ANKRD12: variants seen among roughly 807,000 people sequenced by gnomAD.
ANKRD12 encodes the protein ankyrin repeat domain-containing protein 12.
A neutral mutation model predicts 183.4 loss-of-function variants in ANKRD12; 85 were observed. The observed-to-expected ratio is 0.46, with a 90% CI of 0.39 to 0.56. The LOEUF (loss-of-function observed/expected upper bound fraction) is 0.56. ANKRD12 is among the 20% of genes least tolerant of loss of function. The pLI is 0.00. For missense variants in ANKRD12, 2,405 were observed against 2,357.1 expected, an observed-to-expected ratio of 1.02 and a Z score of -0.42; for synonymous variants, 914 against 800.2, an observed-to-expected ratio of 1.14 and a Z score of -2.40.
chr18:9,144,232 G>A (rs1379857177), intron 1 of ANKRD12, among the ~76,000 whole-genome samples: 1 of 151,868 alleles, frequency 6.6e-6, no homozygotes, highest in Non-Finnish European at 1.5e-5. Context: ...TGCAATTATT[G>A]TATGCTATTG....
intron 9 of ANKRD12, among the ~76,000 whole-genome samples, chr18:9,263,404 A>T (rs989460908): frequency 1.3e-5 from 2 of 152,074 alleles, no homozygotes; most frequent in African/African-American, 4.8e-5. Context: ...ACCTCACTAT[A>T]TAGATACCAA....
chr18:9,193,191 A>T (rs1168427964), intron 2 of ANKRD12, among the ~76,000 whole-genome samples: 1 of 145,678 alleles, frequency 6.9e-6, no homozygotes, highest in African/African-American at 2.6e-5. Flanking sequence ...AGCCTGGAGC[A>T]CAGTGGCGAA....
intron 8 of ANKRD12, among the ~76,000 whole-genome samples, chr18:9,245,730 C>A (rs2037924798): frequency 6.6e-6 from 1 of 152,092 alleles, no homozygotes; most frequent in South Asian, 2.1e-4. Flanking sequence ...TAGTAAATCT[C>A]ATTTAAAATA....
chr18:9,222,817 G>C (rs1303811217), intron 8 of ANKRD12, among the ~76,000 whole-genome samples: 1 of 152,084 alleles, frequency 6.6e-6, no homozygotes, highest in Non-Finnish European at 1.5e-5. Flanking sequence ...CACATGGAAA[G>C]GCAATTGAAA....
Position 9,257,983 on chromosome 18 carries a change from A to T in ANKRD12, c.4716A>T (p.Ala1572=). ...PVYSDSTIQE[A]SPNFEKAYTL... is the part of the protein sequence containing the mutation. ...ACTCTGACAGCACTATTCAAGAAGC[A>T]TCACCAAACTTTGAGAAAGCTTATA... The change falls in exon 9 of 13, where the codon GCA becomes GCT. Residue 1572 remains alanine, a synonymous_variant. Coordinates refer to ENST00000262126, the MANE Select transcript of ANKRD12 (RefSeq NM_015208.5). 1 of 1,613,836 alleles carries T rather than the reference A, an allele frequency of 6.2e-7. No homozygotes were observed. The highest frequency in any genetic ancestry group is 8.5e-7 in the Non-Finnish European group (1 of 1,179,930).
intron 1 of ANKRD12, among the ~76,000 whole-genome samples, chr18:9,164,757 AGTTT>A (rs2031851057): frequency 6.6e-6 from 1 of 152,030 alleles, no homozygotes; most frequent in Admixed American, 6.6e-5. Context: ...GTTCTAAGAG[AGTTT>A]GTTGTAATTT....
intron 1 of ANKRD12, among the ~76,000 whole-genome samples, chr18:9,164,599 C>T (rs73392329): frequency 0.011 from 1,672 of 152,166 alleles, 38 homozygotes; most frequent in African/African-American, 0.038. Flanking sequence ...AGTACGTTGT[C>T]TCTTTGCATT....
chr18:9,198,028 A>T (rs1445348875), intron 3 of ANKRD12, among the ~76,000 whole-genome samples: 4 of 152,156 alleles, frequency 2.6e-5, no homozygotes, highest in Non-Finnish European at 4.4e-5. Context: ...AGTGTCTTTT[A>T]TATAATTTTT....
chr18:9,252,319 C>A (rs2038343570), intron 8 of ANKRD12, among the ~76,000 whole-genome samples: 1 of 152,176 alleles, frequency 6.6e-6, no homozygotes, highest in Non-Finnish European at 1.5e-5. Context: ...CTGAGGCCCA[C>A]AGGCTGGCCA....
At chr18:9,244,337 C>T (rs1405035408) in intron 8 of ANKRD12, among the ~76,000 whole-genome samples, 1 of 151,976 alleles carries the variant, frequency 6.6e-6, no homozygotes, top group African/African-American at 2.4e-5. Context: ...AAATATAAAA[C>T]TAAACAACAT....
At chr18:9,205,688 G>A (rs1021301150) in intron 4 of ANKRD12, among the ~76,000 whole-genome samples, 4 of 152,134 alleles carry the variant, frequency 2.6e-5, no homozygotes, top group Non-Finnish European at 5.9e-5. Flanking sequence ...ATCAAAAGAT[G>A]CAGACATTCA....
In ANKRD12 at chr18:9,285,499, A is replaced by G. The variant is rs1217711392; in HGVS notation, c.*4373A>G. ...TTTACAAGTTTAAAAGGCACCACCT[A>G]TGCACTCATCACTCAAGAGAATATC... is the stretch of plus-strand genomic sequence containing the variant. On this transcript the variant is annotated 3_prime_UTR_variant, in exon 13 of 13. Coordinates refer to ENST00000262126, the MANE Select transcript of ANKRD12 (RefSeq NM_015208.5). The G allele has an allele frequency of 6.6e-6, 1 of 151,824 alleles. No individual in the cohort carries two copies. The highest frequency in any genetic ancestry group is 1.5e-5 in the Non-Finnish European group (1 of 67,978). 9.4% of individuals were successfully genotyped at this position (151,824 alleles called of 1,614,324 possible).
At chr18:9,230,529 C>A (rs1280525264) in intron 8 of ANKRD12, among the ~76,000 whole-genome samples, 1 of 151,674 alleles carries the variant, frequency 6.6e-6, no homozygotes, top group South Asian at 2.1e-4. Context: ...TTTTTTAGTA[C>A]CTTGAGGTGT....
chr18:9,174,788 G>A (rs1192429147), intron 1 of ANKRD12, among the ~76,000 whole-genome samples: 4 of 152,086 alleles, frequency 2.6e-5, no homozygotes, highest in African/African-American at 9.7e-5. Context: ...GTTTCTAATC[G>A]GCTATCTTGG....
At chr18:9,178,094 T>C (rs1007761795) in intron 1 of ANKRD12, among the ~76,000 whole-genome samples, 5 of 152,234 alleles carry the variant, frequency 3.3e-5, no homozygotes, top group African/African-American at 7.2e-5. Flanking sequence ...CTTAACACCT[T>C]AACAGGGTAA....
At chr18:9,251,745 G>A (rs1442373076) in intron 8 of ANKRD12, among the ~76,000 whole-genome samples, 3 of 152,130 alleles carry the variant, frequency 2.0e-5, no homozygotes, top group East Asian at 1.9e-4. Flanking sequence ...AGTGAGCCAC[G>A]ATCACGCCAC....
chr18:9,267,303 A>G (rs1015970277), intron 10 of ANKRD12, among the ~76,000 whole-genome samples: 1 of 152,182 alleles, frequency 6.6e-6, no homozygotes, highest in Non-Finnish European at 1.5e-5. Context: ...TCCACCCCAA[A>G]TCAACAGAAT....
At chr18:9,222,084 T>C (rs2036452195) in intron 8 of ANKRD12, 85 bp downstream of exon 8, 1 of 1,483,568 alleles carries the variant, frequency 6.7e-7, no homozygotes, top group Non-Finnish European at 9.2e-7. Context: ...ATATACAAAA[T>C]GTTTGAATAC....
In ANKRD12 at chr18:9,254,837, T is replaced by A; in HGVS notation, c.1570T>A (p.Ser524Thr). ...CAGAGAGGAGGGGAACTTTAGGAAATCTTTTAGCCCAAAAGATGATACTTC... is the reference window on the plus strand; with the variant it reads ...CAGAGAGGAGGGGAACTTTAGGAAAACTTTTAGCCCAAAAGATGATACTTC... ...KTREEGNFRK[S>T]FSPKDDTSLH... is the part of the protein sequence containing the mutation. Residue 524 changes from serine to threonine, a missense_variant, in exon 9 of 13, where the codon TCT (serine) becomes ACT (threonine). By Grantham distance (58) the Ser-to-Thr change is moderately conservative. Transcript: ENST00000262126. 1.1e-5 allele frequency: 16 copies of A among 1,488,892 alleles called. No homozygotes were observed. Among genetic ancestry groups the A allele is most frequent in the Non-Finnish European group, 1.4e-5 (16 of 1,122,298 alleles). 92.2% of individuals were successfully genotyped at this position (1,488,892 alleles called of 1,614,324 possible).
Sources: gnomAD v4.1 joint callset for allele counts (sites outside exome capture counted in the v4.1 genomes callset) on GRCh38, gnomAD v4.1.1 for gene constraint, MANE v1.5 for transcripts, NCBI Gene and HGNC (gene_info 2026-07-23, HGNC 2026-07-21) for gene names.